The following CFAP97 variants were observed in gnomAD, a reference collection of about 807,000 sequenced individuals.
CFAP97 encodes the protein cilia- and flagella-associated protein 97.
In CFAP97, 36 loss-of-function variants were observed where a neutral mutation model predicts 43.1. That is an observed-to-expected ratio of 0.84 (90% CI 0.64 to 1.10). CFAP97 has a LOEUF of 1.10. CFAP97 is among the 50% of genes least tolerant of loss of function. The pLI is 0.00. For synonymous variants in CFAP97, 228 were observed against 225.7 expected (o/e 1.01, Z -0.09); for missense variants, 657 against 620.3 (o/e 1.06, Z -0.63).
intron 3 of CFAP97, among the ~76,000 whole-genome samples, chr4:185,171,586 C>A (rs936894157): frequency 1.1e-4 from 17 of 152,184 alleles, no homozygotes; most frequent in African/African-American, 4.1e-4. Context: ...AATAATCTCA[C>A]TTCTTCTTAG....
chr4:185,190,274 G>C lies in CFAP97; in HGVS notation c.923C>G (p.Ala308Gly), dbSNP rs1399272073. Residue 308 changes from alanine (A) to glycine (G), a missense_variant, in exon 2 of 5, where the codon GCC becomes GGC. Ala to Gly is a moderately conservative substitution (Grantham distance 60, BLOSUM62 0). Coordinates refer to ENST00000458385, the MANE Select transcript of CFAP97 (RefSeq NM_020827.3). ...LKNNSKYLKA[A>G]KKGKEKHEPD... ...CTCATGTTTTTCTTTCCCTTTTTTG[G>C]CTGCTTTCAAATATTTTGAATTATT... 1 of 1,611,702 alleles carries C rather than the reference G, an allele frequency of 6.2e-7. No individual in the cohort carries two copies. Among genetic ancestry groups the C allele is most frequent in the Non-Finnish European group, 8.5e-7 (1 of 1,178,716 alleles).
At chr4:185,198,569 C>T (rs1358145420) in intron 1 of CFAP97, among the ~76,000 whole-genome samples, 1 of 151,986 alleles carries the variant, frequency 6.6e-6, no homozygotes, top group Non-Finnish European at 1.5e-5. Flanking sequence ...ATGGGCAGAT[C>T]ACCTCAGGTC....
At position 185,190,393 on chromosome 4, in the gene CFAP97, A is replaced by G. The variant is rs1254994333; in HGVS notation, c.804T>C (p.Ser268=). The change falls in exon 2 of 5, where the codon TCT becomes TCC. Residue 268 remains serine, a synonymous_variant. Coordinates refer to ENST00000458385, the MANE Select transcript of CFAP97 (RefSeq NM_020827.3). ...GATCATTTGCTATGCCCAGTTCAAA[A>G]GACTGAAGAGGGCTAATGTCTGGAG... ...LSTPDISPLQ[S]FELGIANDQK... The G allele has an allele frequency of 1.9e-6, 3 of 1,612,316 alleles. No individual in the cohort carries two copies. The highest frequency in any genetic ancestry group is 2.2e-5 in the East Asian group (1 of 44,868).
chr4:185,171,839 C>T lies in CFAP97; in HGVS notation c.1320+3947G>A, dbSNP rs151317282. Among the ~76,000 whole-genome samples the T allele has an allele frequency of 2.9e-3, 441 of 152,290 alleles. 19 individuals are homozygous for T. In the South Asian group the frequency reaches 0.063, roughly 22 times the overall value. Reference sequence around the variant, plus strand: ...GCAGCCTTGACCTCCCAGGCCCATGCAATCCTCCTGCCTCAGCTTCCTGAG... The same window carrying T: ...GCAGCCTTGACCTCCCAGGCCCATGTAATCCTCCTGCCTCAGCTTCCTGAG... On this transcript the variant is annotated intron_variant, in intron 3 of 4. Coordinates refer to ENST00000458385, the MANE Select transcript of CFAP97 (RefSeq NM_020827.3).
At chr4:185,210,094 G>A (rs1288625964), upstream of CFAP97, 23 of 983,532 alleles carry the variant, frequency 2.3e-5, no homozygotes, top group Non-Finnish European at 2.4e-5. The surrounding 1 kb of genome is among the most constrained non-coding windows in gnomAD (Gnocchi z 4.4). Context: ...GCTGAGCTCC[G>A]TCCTGTTCAG....
At chr4:185,198,180 C>A (rs577993333) in intron 1 of CFAP97, among the ~76,000 whole-genome samples, 1 of 151,974 alleles carries the variant, frequency 6.6e-6, no homozygotes, top group African/African-American at 2.4e-5. Flanking sequence ...TGGTGGCTCA[C>A]GCCTATAATC....
At chr4:185,181,741 GT>G (rs1298239036) in intron 2 of CFAP97, among the ~76,000 whole-genome samples, 1 of 152,170 alleles carries the variant, frequency 6.6e-6, no homozygotes, top group Non-Finnish European at 1.5e-5. Context: ...CTCTCTGTTG[GT>G]TTTTGCTTTT....
chr4:185,201,900 C>T (rs1473736875), intron 1 of CFAP97, among the ~76,000 whole-genome samples: 7 of 152,198 alleles, frequency 4.6e-5, no homozygotes, highest in Non-Finnish European at 1.0e-4. Flanking sequence ...TAGAAACTTT[C>T]TGGCCTATCC....
chr4:185,169,780 G>C (rs576230148), intron 3 of CFAP97: 17 of 985,286 alleles, frequency 1.7e-5, no homozygotes, highest in Non-Finnish European at 2.0e-5. Flanking sequence ...CCCCCACACA[G>C]GCAGAATCAA....
At chr4:185,172,089 C>T (rs1023794159) in intron 3 of CFAP97, among the ~76,000 whole-genome samples, 30 of 152,112 alleles carry the variant, frequency 2.0e-4, no homozygotes, top group Admixed American at 6.6e-4. Context: ...CCCCTTTTTA[C>T]AAGTAATAAA....
chr4:185,188,724 A>C (rs1736108502), intron 2 of CFAP97, among the ~76,000 whole-genome samples: 1 of 152,102 alleles, frequency 6.6e-6, no homozygotes, highest in South Asian at 2.1e-4. Context: ...ACTTTGCAAA[A>C]GATCACTTTA....
rs565502424 is a variant in CFAP97 at position 185,168,630 on chromosome 4, C to G, written c.1321-4451G>C. On this transcript the variant is annotated intron_variant, in intron 3 of 4. Transcript: ENST00000458385. ...CAATAAAAGACCAGGCACGGTGGCTCACGCCTGTAATCCCAGCACTTTGGG... is the reference window on the plus strand; with the variant it reads ...CAATAAAAGACCAGGCACGGTGGCTGACGCCTGTAATCCCAGCACTTTGGG... Among the ~76,000 whole-genome samples the G allele has an allele frequency of 1.2e-4, 18 of 151,932 alleles. No individual in the cohort carries two copies. The East Asian group carries it at 3.5e-3, about 29-fold the overall frequency.
At chr4:185,184,846 A>C (rs1735947354) in intron 2 of CFAP97, among the ~76,000 whole-genome samples, 1 of 152,190 alleles carries the variant, frequency 6.6e-6, no homozygotes, top group Admixed American at 6.5e-5. Context: ...TTCCTGTAAG[A>C]AGCTTTTTAT....
chr4:185,163,439 T>C (rs1560852317), intron 4 of CFAP97, among the ~76,000 whole-genome samples: 3 of 152,040 alleles, frequency 2.0e-5, no homozygotes, highest in Non-Finnish European at 4.4e-5. Context: ...ATACATGAAG[T>C]ACAGCAGAGA....
At chr4:185,169,637 T>C in intron 3 of CFAP97, 1 of 985,304 alleles carries the variant, frequency 1.0e-6, no homozygotes, top group Non-Finnish European at 1.2e-6. Context: ...TAGCCCATCT[T>C]TTGATGTTTA....
intron 1 of CFAP97, among the ~76,000 whole-genome samples, chr4:185,201,843 T>C (rs1287599046): frequency 6.6e-6 from 1 of 152,208 alleles, no homozygotes; most frequent in African/African-American, 2.4e-5. Context: ...GGTTTTATGA[T>C]CTCTTCATGT....
In CFAP97 at chr4:185,190,713, T is replaced by A. The variant is rs756602081; in HGVS notation, c.484A>T (p.Ile162Leu). The change falls in exon 2 of 5, where the codon ATA becomes TTA. Residue 162 changes from isoleucine to leucine, a missense_variant. Transcript: ENST00000458385. ...AKPSTNVKKSIRKKYCKVSSS... is the reference protein window; with the variant it reads ...AKPSTNVKKSLRKKYCKVSSS... ...CTAACTTTGCAATACTTTTTCCTTA[T>A]GCTTTTTTTAACGTTAGTAGATGGT... 4.5e-6 allele frequency: 7 copies of A among 1,571,740 alleles called. No homozygotes were observed. The Admixed American group carries it at 1.3e-4, about 30-fold the overall frequency.
chr4:185,191,727 A>C (rs931579519), intron 1 of CFAP97, among the ~76,000 whole-genome samples: 4 of 152,084 alleles, frequency 2.6e-5, no homozygotes, highest in African/African-American at 9.7e-5. Context: ...CTACTTGGGA[A>C]GCTGAAGCAG....
chr4:185,179,089 T>G (rs1735676414), intron 2 of CFAP97, among the ~76,000 whole-genome samples: 1 of 151,766 alleles, frequency 6.6e-6, no homozygotes. Context: ...AAAGTAAAAC[T>G]GCTCCTCATC....
Sources: allele counts gnomAD v4.1 joint callset (sites outside exome capture counted in the v4.1 genomes callset), GRCh38; gene constraint gnomAD v4.1.1; non-coding constraint Gnocchi (gnomAD v3.1); transcripts MANE v1.5; gene names NCBI Gene and HGNC (gene_info 2026-07-23, HGNC 2026-07-21).